Variants in SV2C observed in about 807,000 individuals in gnomAD.
The protein encoded by SV2C is solute carrier family 22 member B3.
In SV2C, 49 loss-of-function variants were observed where a neutral mutation model predicts 79.7. The observed-to-expected ratio is 0.61, with a 90% CI of 0.49 to 0.78. The LOEUF is 0.78. Ranked by LOEUF, SV2C falls within the 30% of genes least tolerant of loss-of-function variation. SV2C has a pLI of 0.00. For synonymous variants in SV2C, 334 were observed against 333.2 expected (o/e 1.00, Z -0.03); for missense variants, 833 against 912.9 (o/e 0.91, Z 1.13).
At chr5:75,888,298 A>G in the SV2C span, among the ~76,000 whole-genome samples, 1 of 151,852 alleles carries the variant, frequency 6.6e-6, no homozygotes, top group Admixed American at 6.6e-5. Context: ...GACATGGTTT[A>G]TCTGAAGCCG....
chr5:75,944,283 G>T, the SV2C span, among the ~76,000 whole-genome samples: 1 of 152,116 alleles, frequency 6.6e-6, no homozygotes, highest in Admixed American at 6.6e-5. Flanking sequence ...TATGAATGTA[G>T]CATAACTTAC....
At chr5:76,073,584 T>C in the SV2C span, among the ~76,000 whole-genome samples, 1,569 of 136,132 alleles carry the variant, frequency 0.012, 20 homozygotes, top group Non-Finnish European at 0.018. Context: ...AGGAATGAAA[T>C]AATGTCATTC....
the SV2C span, among the ~76,000 whole-genome samples, chr5:76,015,619 C>G: frequency 6.6e-6 from 1 of 151,964 alleles, no homozygotes; most frequent in Non-Finnish European, 1.5e-5. Context: ...TAAAAATCCC[C>G]TTAATTCATG....
At chr5:76,077,489 T>C in the SV2C span, among the ~76,000 whole-genome samples, 1 of 151,608 alleles carries the variant, frequency 6.6e-6, no homozygotes, top group South Asian at 2.1e-4. Flanking sequence ...AGAGGGCGAG[T>C]AGGAAGGTAG....
the SV2C span, among the ~76,000 whole-genome samples, chr5:75,958,070 C>A: frequency 6.6e-6 from 1 of 151,954 alleles, no homozygotes; most frequent in African/African-American, 2.4e-5. Flanking sequence ...TACAGGTAAC[C>A]TTGATGTGAC....
At chr5:76,153,128 T>C (rs1474067515) in intron 2 of SV2C, among the ~76,000 whole-genome samples, 1 of 152,146 alleles carries the variant, frequency 6.6e-6, no homozygotes, top group East Asian at 1.9e-4. Context: ...CTCTGGGGCA[T>C]CTTGAGCTGC....
chr5:76,319,384 C>T (rs1748744075), intron 12 of SV2C, among the ~76,000 whole-genome samples: 1 of 152,002 alleles, frequency 6.6e-6, no homozygotes, highest in African/African-American at 2.4e-5. Flanking sequence ...CGCCACTGCA[C>T]TCCAGCCTGG....
chr5:76,264,049 C>T (rs1186859659), intron 4 of SV2C, among the ~76,000 whole-genome samples: 1 of 152,116 alleles, frequency 6.6e-6, no homozygotes, highest in African/African-American at 2.4e-5. Flanking sequence ...TTCCCTTCTC[C>T]CCGTCAATGT....
the SV2C span, among the ~76,000 whole-genome samples, chr5:76,027,019 T>C: frequency 6.6e-6 from 1 of 152,006 alleles, no homozygotes. Context: ...TCAATTTGGG[T>C]AAACTTTATT....
rs62621239 is a variant in SV2C at position 76,173,715 on chromosome 5, T to G, written c.581-21204T>G. 3.3e-3 allele frequency: 5,386 copies of G among 1,613,640 alleles called. 8 individuals carry two copies. Among genetic ancestry groups the G allele is most frequent in the Non-Finnish European group, 3.9e-3 (4,651 of 1,179,536 alleles). Reference sequence around the variant, plus strand: ...ATTTGCCGCACTAGGTCATAAAAGATCTCATTAACATTTATTTTTGATTTT... The same window carrying G: ...ATTTGCCGCACTAGGTCATAAAAGAGCTCATTAACATTTATTTTTGATTTT... On this transcript the variant is annotated intron_variant, in intron 2 of 12. Coordinates refer to ENST00000502798, the MANE Select transcript of SV2C (RefSeq NM_014979.4).
intron 4 of SV2C, among the ~76,000 whole-genome samples, chr5:76,223,635 A>G (rs1476488776): frequency 6.6e-6 from 1 of 151,544 alleles, no homozygotes; most frequent in African/African-American, 2.4e-5. Flanking sequence ...TCCTCCCAAC[A>G]CAGCATGCAA....
chr5:76,128,564 G>A (rs984292353), intron 1 of SV2C, among the ~76,000 whole-genome samples: 1 of 152,134 alleles, frequency 6.6e-6, no homozygotes, highest in African/African-American at 2.4e-5. Context: ...CCTCTAACAA[G>A]CTTTGTGACT....
intron 9 of SV2C, among the ~76,000 whole-genome samples, chr5:76,298,496 T>A (rs1747853342): frequency 1.3e-5 from 2 of 152,106 alleles, no homozygotes; most frequent in South Asian, 2.1e-4. Flanking sequence ...CCCCAAACTA[T>A]CTTCAGTTGC....
the SV2C span, among the ~76,000 whole-genome samples, chr5:75,902,135 A>G: frequency 6.6e-6 from 1 of 152,008 alleles, no homozygotes; most frequent in Non-Finnish European, 1.5e-5. Context: ...AGTGAGATGA[A>G]CCCGGTACCT....
At chr5:75,891,897 C>T in the SV2C span, among the ~76,000 whole-genome samples, 3 of 151,968 alleles carry the variant, frequency 2.0e-5, no homozygotes, top group Non-Finnish European at 2.9e-5. Context: ...AGAGATCTAT[C>T]GGATGCTAGA....
chr5:75,907,262 T>C, the SV2C span, among the ~76,000 whole-genome samples: 3 of 152,220 alleles, frequency 2.0e-5, no homozygotes, highest in Non-Finnish European at 4.4e-5. Flanking sequence ...GAGCTCAGAC[T>C]CTTTTGACTA....
At chr5:75,968,235 G>A in the SV2C span, among the ~76,000 whole-genome samples, 1 of 152,166 alleles carries the variant, frequency 6.6e-6, no homozygotes, top group Non-Finnish European at 1.5e-5. Context: ...AAAAAACAGA[G>A]CAGAAAAACC....
intron 4 of SV2C, among the ~76,000 whole-genome samples, chr5:76,251,295 C>T (rs72773792): frequency 0.27 from 40,923 of 151,912 alleles, 6,935 homozygotes; most frequent in Non-Finnish European, 0.37. Context: ...GTAATCCCAG[C>T]GCTTTGGGAG....
intron 2 of SV2C, among the ~76,000 whole-genome samples, chr5:76,141,367 C>T (rs753930171): frequency 3.3e-5 from 5 of 152,148 alleles, no homozygotes; most frequent in East Asian, 1.9e-4. Flanking sequence ...ATCCCTATAT[C>T]CTAGAACACT....
Sources: allele counts gnomAD v4.1 joint callset (sites outside exome capture counted in the v4.1 genomes callset), GRCh38; gene constraint gnomAD v4.1.1; transcripts MANE v1.5; gene names NCBI Gene and HGNC (gene_info 2026-07-23, HGNC 2026-07-21).